SNX13: variants seen among roughly 807,000 people sequenced by gnomAD.
The protein encoded by SNX13 is sorting nexin-13.
SNX13 carries 45 observed loss-of-function variants against 133.6 expected under a neutral mutation model. The observed-to-expected ratio is 0.34, with a 90% confidence interval of 0.27 to 0.43. The LOEUF (loss-of-function observed/expected upper bound fraction) is 0.43. Among genes scored for constraint, SNX13 ranks in the 20% least tolerant of loss-of-function variants. The pLI, the probability that SNX13 is intolerant of heterozygous loss-of-function variation, is 1.00. For synonymous variants in SNX13, 414 were observed against 373.9 expected, an observed-to-expected ratio of 1.11 and a Z score of -1.24; for missense variants, 1,032 against 1,145.1, an observed-to-expected ratio of 0.90 and a Z score of 1.43.
chr7:17,793,852 C>T lies in SNX13; in HGVS notation c.*193G>A, dbSNP rs1168163066. The stretch of plus-strand genomic sequence containing the variant: ...AATATGCACCAAATCATTTAAGACA[C>T]AGAAATCTCTCTTGGTAGTGGTGGA... On this transcript the variant is annotated 3_prime_UTR_variant, in exon 26 of 26. Coordinates refer to ENST00000428135, the MANE Select transcript of SNX13 (RefSeq NM_015132.5). The T allele has an allele frequency of 8.7e-6, 5 of 575,940 alleles. No homozygotes were observed. The highest frequency in any genetic ancestry group is 3.8e-5 in the African/African-American group (2 of 52,378). 35.7% of individuals were successfully genotyped at this position (575,940 alleles called of 1,614,324 possible).
intron 12 of SNX13, among the ~76,000 whole-genome samples, chr7:17,844,789 G>A (rs375340059): frequency 1.9e-4 from 29 of 150,462 alleles, no homozygotes; most frequent in African/African-American, 6.6e-4. Context: ...CAGAATGAAG[G>A]ATAAACACCA....
At chr7:17,798,627 A>C in intron 24 of SNX13, 63 bp downstream of exon 24, 1 of 1,226,708 alleles carries the variant, frequency 8.2e-7, no homozygotes, top group Non-Finnish European at 1.1e-6. Context: ...ATGAAAGTTA[A>C]TTAGTGATAA....
chr7:17,863,021 G>A (rs1191987109), intron 9 of SNX13, among the ~76,000 whole-genome samples: 1 of 152,128 alleles, frequency 6.6e-6, no homozygotes, highest in Non-Finnish European at 1.5e-5. Context: ...GAGAATCTGT[G>A]GGCTTGTGGG....
intron 7 of SNX13, 67 bp from the exon 8 acceptor site, chr7:17,873,683 TAA>T (rs928887643): frequency 3.2e-6 from 3 of 951,788 alleles, no homozygotes; most frequent in Non-Finnish European, 3.0e-6. Flanking sequence ...TCTTGATATA[TAA>T]GATACATTTA....
chr7:17,891,479 G>T, intron 4 of SNX13, 67 bp downstream of exon 4: 1 of 1,133,592 alleles, frequency 8.8e-7, no homozygotes, highest in Non-Finnish European at 1.3e-6. Context: ...GTATTTCCTG[G>T]TATCTTCAAA....
chr7:17,829,792 G>A (rs987656097), intron 16 of SNX13, among the ~76,000 whole-genome samples: 1 of 151,222 alleles, frequency 6.6e-6, no homozygotes, highest in Middle Eastern at 3.4e-3. Context: ...TATAACCTAA[G>A]CCAATTTTTA....
At chr7:17,869,336 T>A (rs895454331) in intron 8 of SNX13, among the ~76,000 whole-genome samples, 3 of 152,142 alleles carry the variant, frequency 2.0e-5, no homozygotes, top group Non-Finnish European at 4.4e-5. Flanking sequence ...TCATCCCATC[T>A]TCTCAAGGTC....
intron 9 of SNX13, among the ~76,000 whole-genome samples, chr7:17,865,350 C>A (rs1793257903): frequency 6.6e-6 from 1 of 151,956 alleles, no homozygotes; most frequent in African/African-American, 2.4e-5. Flanking sequence ...TCTATGTGAA[C>A]AATTTGAAAA....
Position 17,791,593 on chromosome 7 carries a change from ATGAT to A in SNX13, c.*2448_*2451del, listed in dbSNP as rs1783544580. The A allele has an allele frequency of 6.6e-6, 1 of 152,082 alleles. No individual in the cohort carries two copies. The highest frequency in any genetic ancestry group is 2.4e-5 in the African/African-American group (1 of 41,458). The allele number at this position is 152,082 out of a possible 1,614,324, so 9.4% of individuals were successfully genotyped here. A position where few individuals can be genotyped will look rare whatever the true frequency, so the allele number is the denominator to read the frequency against. On this transcript the variant is annotated 3_prime_UTR_variant, in exon 26 of 26. Coordinates refer to ENST00000428135, the MANE Select transcript of SNX13 (RefSeq NM_015132.5). ...CCTGAAAAATCAGAAAACACAAAGAATGATTAATTTCGAAAGTTCTTGCCTAAAG... is the reference window on the plus strand; with the variant it reads ...CCTGAAAAATCAGAAAACACAAAGAATAATTTCGAAAGTTCTTGCCTAAAG...
intron 22 of SNX13, among the ~76,000 whole-genome samples, chr7:17,801,022 A>ATATATATATATG (rs1784569633): frequency 5.0e-4 from 7 of 14,106 alleles, no homozygotes; most frequent in African/African-American, 1.3e-3. Context: ...ATATATATAT[A>ATATATATATATG]TATATATATA....
At chr7:17,853,533 T>A (rs2723570) in intron 9 of SNX13, among the ~76,000 whole-genome samples, 86,222 of 152,086 alleles carry the variant, frequency 0.57, 24,932 homozygotes, top group South Asian at 0.68. Context: ...TAAAACAATT[T>A]TTAAAGTACT....
rs758064690 is a variant in SNX13 at position 17,794,078 on chromosome 7, T to A, written c.2841A>T (p.Gln947His). 2.4e-5 allele frequency: 38 copies of A among 1,611,434 alleles called. No homozygotes were observed. Among genetic ancestry groups the A allele is most frequent in the Non-Finnish European group, 3.2e-5 (38 of 1,178,276 alleles). ...TCTGCAAAGAAGGCGCTTGAGTAGTTTGAAGTTTCTGTTTATATTTCTGCA... is the reference window on the plus strand; with the variant it reads ...TCTGCAAAGAAGGCGCTTGAGTAGTATGAAGTTTCTGTTTATATTTCTGCA... The part of the protein sequence containing the change: ...KQMQKYKQKL[Q>H]TTQAPSLQKR The change falls in exon 26 of 26, where the codon CAA becomes CAT. Residue 947 changes from glutamine to histidine, a missense_variant. Gln to His is a conservative substitution (Grantham distance 24, BLOSUM62 0). Coordinates refer to ENST00000428135, the MANE Select transcript of SNX13 (RefSeq NM_015132.5).
intron 13 of SNX13, among the ~76,000 whole-genome samples, chr7:17,836,300 C>T (rs570568113): frequency 2.1e-4 from 32 of 151,938 alleles, no homozygotes; most frequent in Admixed American, 6.6e-4. Context: ...GTGGATCACT[C>T]GAGGGCATAA....
At chr7:17,849,592 A>G (rs1252641467) in intron 11 of SNX13, among the ~76,000 whole-genome samples, 1 of 152,216 alleles carries the variant, frequency 6.6e-6, no homozygotes, top group African/African-American at 2.4e-5. Flanking sequence ...TACTATGGCC[A>G]CTAAGACCAT....
intron 1 of SNX13, among the ~76,000 whole-genome samples, chr7:17,909,124 A>T (rs1189444362): frequency 6.6e-6 from 1 of 152,130 alleles, no homozygotes; most frequent in East Asian, 1.9e-4. Context: ...GAGAAATGCT[A>T]ATCAAAAAAA....
intron 9 of SNX13, among the ~76,000 whole-genome samples, chr7:17,861,864 T>C (rs892840606): frequency 6.6e-6 from 1 of 152,176 alleles, no homozygotes; most frequent in African/African-American, 2.4e-5. Flanking sequence ...TCCAGTGTAC[T>C]TTCCTTTCTT....
intron 9 of SNX13, among the ~76,000 whole-genome samples, chr7:17,866,819 A>G (rs1356053682): frequency 6.6e-6 from 1 of 152,214 alleles, no homozygotes; most frequent in Non-Finnish European, 1.5e-5. Flanking sequence ...ACAGTTAACA[A>G]TAATTTATTG....
At chr7:17,812,927 T>C (rs180990206) in intron 20 of SNX13, among the ~76,000 whole-genome samples, 269 of 152,090 alleles carry the variant, frequency 1.8e-3, no homozygotes, top group Non-Finnish European at 3.1e-3. Flanking sequence ...TTCTCACACA[T>C]GGACACAGGG....
chr7:17,819,739 A>G (rs1787071421), intron 18 of SNX13, among the ~76,000 whole-genome samples: 1 of 152,192 alleles, frequency 6.6e-6, no homozygotes, highest in African/African-American at 2.4e-5. Context: ...TAAAAGGCAA[A>G]GACCCTAAAT....
Sources: allele counts gnomAD v4.1 joint callset (sites outside exome capture counted in the v4.1 genomes callset), GRCh38; gene constraint gnomAD v4.1.1; transcripts MANE v1.5; gene names NCBI Gene and HGNC (gene_info 2026-07-23, HGNC 2026-07-21).